The following CFAP47 variants were observed in gnomAD, a reference collection of about 807,000 sequenced individuals.
CFAP47 encodes the protein cilia and flagella associated protein 47.
CFAP47 carries 29 observed loss-of-function variants against 148.1 expected under a neutral mutation model. The ratio of observed to expected loss-of-function variants is 0.20; its 90% confidence interval spans 0.15 to 0.27. The LOEUF (loss-of-function observed/expected upper bound fraction) is 0.27, where lower values mean the gene tolerates loss of function less well. Ranked by LOEUF, CFAP47 falls within the 10% of genes least tolerant of loss-of-function variation. The pLI is 1.00. For synonymous variants in CFAP47, 664 were observed against 577.3 expected (o/e 1.15, Z -2.15); for missense variants, 1,872 against 1,697.5 (o/e 1.10, Z -1.81).
At chrX:36,083,927 A>G (rs1252359655) in intron 29 of CFAP47, among the ~76,000 whole-genome samples, 2 of 111,059 alleles carry the variant, frequency 1.8e-5, no homozygotes, top group Non-Finnish European at 3.8e-5. Context: ...ATATTTATCA[A>G]CATCATTGTT....
intron 29 of CFAP47, among the ~76,000 whole-genome samples, chrX:36,076,919 G>T (rs1277183987): frequency 9.0e-6 from 1 of 111,330 alleles, no homozygotes; most frequent in Non-Finnish European, 1.9e-5. Flanking sequence ...TTTGTATATG[G>T]TGAAAGTTAG....
intron 61 of CFAP47, among the ~76,000 whole-genome samples, chrX:36,361,969 C>T (rs189125186): frequency 1.1e-3 from 119 of 111,442 alleles, no homozygotes; most frequent in African/African-American, 3.6e-3. Flanking sequence ...TGAATCTGTG[C>T]GAAGGGTGGC....
chrX:36,188,514 T>C (rs970803739), intron 40 of CFAP47, 106 bp from the exon 41 acceptor site: 6 of 289,307 alleles, frequency 2.1e-5, no homozygotes, highest in African/African-American at 1.4e-4. Flanking sequence ...ATATCATTTG[T>C]ACTTAGCCAT....
chrX:36,308,816 C>T (rs1376096574), intron 55 of CFAP47, among the ~76,000 whole-genome samples: 1 of 110,644 alleles, frequency 9.0e-6, no homozygotes, highest in East Asian at 2.8e-4. Context: ...AGGGAAATGG[C>T]TATGGTTCAT....
chrX:36,062,186 G>A (rs1937599542), intron 26 of CFAP47, among the ~76,000 whole-genome samples: 2 of 111,249 alleles, frequency 1.8e-5, no homozygotes, highest in South Asian at 3.7e-4. Context: ...CCTTGAAATA[G>A]TATCGATGGG....
At chrX:36,021,535 A>T (rs1201024900) in intron 22 of CFAP47, among the ~76,000 whole-genome samples, 2 of 111,121 alleles carry the variant, frequency 1.8e-5, no homozygotes, top group African/African-American at 6.6e-5. Flanking sequence ...GTTCTGGGAT[A>T]CATGTGCAGA....
chrX:36,334,189 C>T (rs1556014470), intron 57 of CFAP47, among the ~76,000 whole-genome samples: 1 of 111,163 alleles, frequency 9.0e-6, no homozygotes, highest in Non-Finnish European at 1.9e-5. Context: ...GACTAATGAC[C>T]TAGAGTACTA....
intron 37 of CFAP47, among the ~76,000 whole-genome samples, chrX:36,153,293 C>T (rs1019435337): frequency 8.9e-6 from 1 of 111,999 alleles, no homozygotes; most frequent in African/African-American, 3.2e-5. Flanking sequence ...CTAAACAGGA[C>T]AAATAACATT....
chrX:36,200,367 CT>C lies in CFAP47; in HGVS notation c.6322-10del, dbSNP rs782004489. On this transcript the variant is annotated splice_polypyrimidine_tract_variant and intron_variant, in intron 42 of 63. Coordinates refer to ENST00000378653, the MANE Select transcript of CFAP47 (RefSeq NM_001304548.2). Reference sequence around the variant, plus strand: ...ATTTTGAAATTTAATACTATAATGTCTTGTGTTTTAGATTGGACAATTAATA... The same window carrying C: ...ATTTTGAAATTTAATACTATAATGTCTGTGTTTTAGATTGGACAATTAATA... 1.5e-3 allele frequency: 452 copies of C among 294,708 alleles called. 1 individual carries two copies. The highest frequency in any genetic ancestry group is 0.01 in the African/African-American group (371 of 36,349). 24.3% of individuals were successfully genotyped at this position (294,708 alleles called of 1,213,427 possible).
chrX:36,111,883 A>G (rs191302117), intron 33 of CFAP47, among the ~76,000 whole-genome samples: 1 of 111,895 alleles, frequency 8.9e-6, no homozygotes, highest in African/African-American at 3.2e-5. Flanking sequence ...TAGATTTTCT[A>G]GTTTATGTGC....
intron 15 of CFAP47, among the ~76,000 whole-genome samples, chrX:35,979,673 C>G (rs967380401): frequency 2.7e-5 from 3 of 111,683 alleles, no homozygotes; most frequent in African/African-American, 9.7e-5. Context: ...GGCCTCAGTT[C>G]AAAAGTATCT....
At chrX:35,939,871 C>T (rs1935977285) in intron 2 of CFAP47, among the ~76,000 whole-genome samples, 1 of 100,212 alleles carries the variant, frequency 1.0e-5, no homozygotes, top group Non-Finnish European at 2.0e-5. Context: ...AATCACCACA[C>T]TGACTTCCAC....
intron 56 of CFAP47, among the ~76,000 whole-genome samples, chrX:36,317,931 T>G (rs1377260308): frequency 1.8e-5 from 2 of 111,849 alleles, no homozygotes; most frequent in African/African-American, 6.5e-5. Flanking sequence ...TAAGATATCT[T>G]AACATTTGGA....
At position 36,211,396 on chromosome X, in the gene CFAP47, C is replaced by T; in HGVS notation, c.6817+6286C>T. The stretch of plus-strand genomic sequence containing the variant: ...AAGAAGTTCAAGGATCTCAATGCAC[C>T]TAAGATGCCTCCTTCGGCCTTTTTT... On this transcript the variant is annotated intron_variant, in intron 45 of 63. Coordinates refer to ENST00000378653, the MANE Select transcript of CFAP47 (RefSeq NM_001304548.2). The T allele has an allele frequency of 3.7e-5, 9 of 244,484 alleles. No homozygotes were observed. The South Asian group carries it at 4.6e-4, about 13-fold the overall frequency. The allele number at this position is 244,484 out of a possible 1,213,427, so 20.1% of individuals were successfully genotyped here. A position where few individuals can be genotyped will look rare whatever the true frequency, so the allele number is the denominator to read the frequency against.
chrX:36,230,835 C>G (rs1555992449), intron 46 of CFAP47, among the ~76,000 whole-genome samples: 17 of 103,234 alleles, frequency 1.6e-4, no homozygotes, highest in African/African-American at 3.8e-4. Flanking sequence ...ATATGGCTAG[C>G]CAGTTTTCCC....
chrX:36,175,321 T>A (rs1360796518), intron 39 of CFAP47, among the ~76,000 whole-genome samples: 1 of 112,091 alleles, frequency 8.9e-6, no homozygotes, highest in African/African-American at 3.2e-5. Flanking sequence ...ATTCTCCGTC[T>A]CTTTGTTCCG....
chrX:36,199,366 C>T (rs1939952424), intron 42 of CFAP47, among the ~76,000 whole-genome samples: 1 of 112,301 alleles, frequency 8.9e-6, no homozygotes, highest in South Asian at 3.7e-4. Flanking sequence ...GAAATGTCCA[C>T]CTCTGCTGAT....
chrX:35,926,278 T>C lies in CFAP47; in HGVS notation c.401+110T>C, dbSNP rs1279258791. 7 of 535,989 alleles carry C rather than the reference T, an allele frequency of 1.3e-5. No homozygotes were observed. The Admixed American group carries it at 3.2e-4, about 24-fold the overall frequency. The allele number at this position is 535,989 out of a possible 1,213,427, so 44.2% of individuals were successfully genotyped here. On this transcript the variant is annotated intron_variant, in intron 2 of 63. Transcript: ENST00000378653. ...TGACATAGTTTCCTGACAGTTGAAC[T>C]TAAAGGACACATTTTTAGAAAATAG...
chrX:35,924,510 C>T (rs766143894), intron 1 of CFAP47, among the ~76,000 whole-genome samples: 2 of 102,770 alleles, frequency 1.9e-5, no homozygotes, highest in Non-Finnish European at 4.0e-5. Flanking sequence ...TATAGGTGCA[C>T]ATATATGTGT....
Sources: gnomAD v4.1 joint callset for allele counts (sites outside exome capture counted in the v4.1 genomes callset) on GRCh38, gnomAD v4.1.1 for gene constraint, MANE v1.5 for transcripts, NCBI Gene and HGNC (gene_info 2026-07-23, HGNC 2026-07-21) for gene names.